Variants in PITPNM3 observed in about 807,000 individuals in gnomAD.
PITPNM3 encodes the protein membrane-associated phosphatidylinositol transfer protein 3.
In PITPNM3, 26 loss-of-function variants were observed where a neutral mutation model predicts 102.0. The observed-to-expected ratio is 0.25, with a 90% CI of 0.19 to 0.35. PITPNM3 has a LOEUF of 0.35. Ranked by LOEUF, PITPNM3 falls within the 10% of genes least tolerant of loss-of-function variation. The probability of loss-of-function intolerance (pLI) is 1.00; values close to 1 mark genes in which losing one functional copy is unlikely to be tolerated. For missense variants in PITPNM3, 1,083 were observed against 1,346.1 expected (o/e 0.80, Z 3.06); for synonymous variants, 578 against 558.6 (o/e 1.03, Z -0.49).
Position 6,472,556 on chromosome 17 carries a change from G to A in PITPNM3, c.1429+101C>T. ...CTAACCTTCTGTTCTCACAGCCCCT[G>A]CTCAGGTGAGTCACCCTACTCACTG... On this transcript the variant is annotated intron_variant, in intron 11 of 19. Transcript: ENST00000262483. The surrounding 1 kb of genome is among the most constrained non-coding windows in gnomAD (Gnocchi z 4.1). The A allele has an allele frequency of 1.4e-6, 2 of 1,435,506 alleles. No homozygotes were observed. The highest frequency in any genetic ancestry group is 1.4e-5 in the African/African-American group (1 of 70,668). 88.9% of individuals were successfully genotyped at this position (1,435,506 alleles called of 1,614,324 possible). A position where few individuals can be genotyped will look rare whatever the true frequency, so the allele number is the denominator to read the frequency against.
rs190573076 is a variant in PITPNM3, at chr17:6,541,806, C to T, written c.23-3724G>A. Among the ~76,000 whole-genome samples the T allele has an allele frequency of 1.9e-3, 288 of 152,286 alleles. 1 individual carries two copies. The highest frequency in any genetic ancestry group is 6.5e-3 in the African/African-American group (272 of 41,544). On this transcript the variant is annotated intron_variant, in intron 1 of 19. Transcript: ENST00000262483. ...ACTTCCCTGCATTTTCTGGGTCCAA[C>T]ACAAAGTCCCACACAGAAGAGGGCC...
chr17:6,469,048 G>A lies in PITPNM3; in HGVS notation c.1774-707C>T, dbSNP rs1904926982. Among the ~76,000 whole-genome samples, 1 of 152,000 alleles carries A rather than the reference G, an allele frequency of 6.6e-6. No homozygotes were observed. Among genetic ancestry groups the A allele is most frequent in the Non-Finnish European group, 1.5e-5 (1 of 68,012 alleles). On this transcript the variant is annotated intron_variant, in intron 13 of 19. Coordinates refer to ENST00000262483, the MANE Select transcript of PITPNM3 (RefSeq NM_031220.4). This position sits in a 1 kb window ranked among gnomAD's most constrained non-coding sequence, Gnocchi z 4.0. ...GGGGTCCTCTCCCTACACTCTCTGG[G>A]TCCTCCAACCTCAGGGATGTCCTCT...
rs1030291324 is a variant in PITPNM3 at position 6,468,968 on chromosome 17, C to T, written c.1774-627G>A. Among the ~76,000 whole-genome samples, 1 of 152,052 alleles carries T rather than the reference C, an allele frequency of 6.6e-6. No individual in the cohort carries two copies. The highest frequency in any genetic ancestry group is 6.5e-5 in the Admixed American group (1 of 15,268). The stretch of plus-strand genomic sequence containing the variant: ...CAGTCAGGGTTCTTCTCCATCACTC[C>T]TCTACGGAAGCCATTCTTGCCACTG... On this transcript the variant is annotated intron_variant, in intron 13 of 19. Coordinates refer to ENST00000262483, the MANE Select transcript of PITPNM3 (RefSeq NM_031220.4). This position sits in a 1 kb window ranked among gnomAD's most constrained non-coding sequence, Gnocchi z 5.2.
In PITPNM3 at chr17:6,471,114, T is replaced by C. The variant is rs988315675; in HGVS notation, c.1624+47A>G. On this transcript the variant is annotated intron_variant, in intron 12 of 19. Transcript: ENST00000262483. ...GGCCCAGCAAACACCCAGAGGAAGG[T>C]TCCCCTCCCCCGAATCCAGGCAGGG... 3 of 1,601,492 alleles carry C rather than the reference T, an allele frequency of 1.9e-6. No homozygotes were observed. In the African/African-American group the frequency reaches 4.0e-5, roughly 21 times the overall value.
intron 1 of PITPNM3, among the ~76,000 whole-genome samples, chr17:6,542,746 G>A (rs1363705541): frequency 6.6e-6 from 1 of 152,168 alleles, no homozygotes; most frequent in African/African-American, 2.4e-5. Flanking sequence ...ATTGAGGCAG[G>A]GTAAGCCCAC....
In PITPNM3 at chr17:6,556,429, G is replaced by T. The variant is rs1206756694; in HGVS notation, c.-23C>A. 3 of 1,260,380 alleles carry T rather than the reference G, an allele frequency of 2.4e-6. No homozygotes were observed. Among genetic ancestry groups the T allele is most frequent in the African/African-American group, 3.2e-5 (2 of 62,506 alleles). The allele number at this position is 1,260,380 out of a possible 1,614,324, so 78.1% of individuals were successfully genotyped here. A position where few individuals can be genotyped will look rare whatever the true frequency, so the allele number is the denominator to read the frequency against. On this transcript the variant is annotated 5_prime_UTR_variant, in exon 1 of 20. Coordinates refer to ENST00000262483, the MANE Select transcript of PITPNM3 (RefSeq NM_031220.4). The surrounding 1 kb of genome is among the most constrained non-coding windows in gnomAD (Gnocchi z 5.2). ...CATGTCCCGGGCGGCGGGCTCCGGC[G>T]GCGCTACGCGCGCTCCTCGCGCTTC...
intron 3 of PITPNM3, among the ~76,000 whole-genome samples, chr17:6,521,670 T>C (rs1399808718): frequency 6.6e-6 from 1 of 151,342 alleles, no homozygotes; most frequent in East Asian, 1.9e-4. Context: ...GATAAATATA[T>C]AACCAAGCTT....
chr17:6,538,430 A>G (rs982592926), intron 1 of PITPNM3, among the ~76,000 whole-genome samples: 1 of 152,198 alleles, frequency 6.6e-6, no homozygotes, highest in Non-Finnish European at 1.5e-5. Context: ...CAGACGTTTA[A>G]ACATCAATGG....
At chr17:6,486,082 G>C (rs1047443865) in intron 4 of PITPNM3, among the ~76,000 whole-genome samples, 3 of 152,092 alleles carry the variant, frequency 2.0e-5, no homozygotes, top group Admixed American at 1.3e-4. Flanking sequence ...GACTTCAAAG[G>C]CATCCAACAG....
chr17:6,541,286 A>AGTGTGTGTGTGT (rs113549938), intron 1 of PITPNM3, among the ~76,000 whole-genome samples: 1,659 of 145,682 alleles, frequency 0.011, 30 homozygotes, highest in African/African-American at 0.037. Context: ...ATATGCTAAG[A>AGTGTGTGTGTGT]GTGTGTGTGT....
At chr17:6,526,760 A>G (rs1033866197) in intron 2 of PITPNM3, among the ~76,000 whole-genome samples, 1 of 152,264 alleles carries the variant, frequency 6.6e-6, no homozygotes, top group African/African-American at 2.4e-5. Context: ...AATTGTTATT[A>G]TCTCCATTTT....
At chr17:6,544,654 T>TCTCTCTCTCTCTCTCTCACACACA (rs376230474) in intron 1 of PITPNM3, among the ~76,000 whole-genome samples, 2 of 130,206 alleles carry the variant, frequency 1.5e-5, no homozygotes, top group African/African-American at 6.2e-5. Context: ...TCTCTCTCTC[T>TCTCTCTCTCTCTCTCTCACACACA]CACACACACA....
intron 8 of PITPNM3, 110 bp downstream of exon 8, chr17:6,477,865 T>C (rs1597372280): frequency 1.3e-6 from 2 of 1,562,884 alleles, no homozygotes; most frequent in East Asian, 4.5e-5. Context: ...TACACTTCTT[T>C]GTGACCTGGA....
At chr17:6,502,920 C>T (rs1274719060) in intron 4 of PITPNM3, among the ~76,000 whole-genome samples, 1 of 152,128 alleles carries the variant, frequency 6.6e-6, no homozygotes, top group Non-Finnish European at 1.5e-5. Context: ...TCTGAGAAAA[C>T]ACAGGGGGAA....
rs756677521 is a variant in PITPNM3 at position 6,459,723 on chromosome 17, G to A, written c.2490+1650C>T. Among the ~76,000 whole-genome samples, 7 of 152,092 alleles carry A rather than the reference G, an allele frequency of 4.6e-5. No homozygotes were observed. The highest frequency in any genetic ancestry group is 2.1e-4 in the South Asian group (1 of 4,822). On this transcript the variant is annotated intron_variant, in intron 18 of 19. Coordinates refer to ENST00000262483, the MANE Select transcript of PITPNM3 (RefSeq NM_031220.4). The surrounding 1 kb of genome is among the most constrained non-coding windows in gnomAD (Gnocchi z 5.0). Reference sequence around the variant, plus strand: ...CAGAAGCTATATTGGTGAGCAGAACGGACAGGCTCTGCCTCCATGGAGACC... The same window carrying A: ...CAGAAGCTATATTGGTGAGCAGAACAGACAGGCTCTGCCTCCATGGAGACC...
chr17:6,455,844 C>T (rs1309969861), intron 19 of PITPNM3, among the ~76,000 whole-genome samples: 2 of 143,348 alleles, frequency 1.4e-5, no homozygotes, highest in Non-Finnish European at 3.1e-5. Context: ...GATCCTGTCC[C>T]CATCATTTCC....
intron 1 of PITPNM3, among the ~76,000 whole-genome samples, chr17:6,548,062 C>T (rs1221227015): frequency 6.6e-6 from 1 of 152,180 alleles, no homozygotes; most frequent in East Asian, 1.9e-4. Flanking sequence ...CTCAATGAAA[C>T]GACCAGCTTT....
At chr17:6,529,412 G>A (rs1333733901) in intron 2 of PITPNM3, among the ~76,000 whole-genome samples, 1 of 152,050 alleles carries the variant, frequency 6.6e-6, no homozygotes, top group Non-Finnish European at 1.5e-5. Flanking sequence ...GACCAACATG[G>A]TGAAACACCA....
intron 2 of PITPNM3, among the ~76,000 whole-genome samples, chr17:6,527,904 T>TG (rs908017530): frequency 1.3e-5 from 2 of 152,220 alleles, no homozygotes; most frequent in African/African-American, 4.8e-5. Context: ...TGGAACCCTG[T>TG]GGGGTCTCCC....
Sources: gnomAD v4.1 joint callset for allele counts (sites outside exome capture counted in the v4.1 genomes callset) on GRCh38, gnomAD v4.1.1 for gene constraint, Gnocchi (gnomAD v3.1) non-coding constraint, MANE v1.5 for transcripts, NCBI Gene and HGNC (gene_info 2026-07-23, HGNC 2026-07-21) for gene names.